The following GCC2 variants were observed in gnomAD, a reference collection of about 807,000 sequenced individuals.
GCC2 encodes GRIP and coiled-coil domain containing 2, also known as GRIP and coiled-coil domain-containing protein 2.
GCC2 carries 120 observed loss-of-function variants against 210.6 expected under a neutral mutation model. The observed-to-expected ratio is 0.57, with a 90% CI of 0.49 to 0.66. The LOEUF (loss-of-function observed/expected upper bound fraction) is 0.66. GCC2 is among the 30% of genes least tolerant of loss of function. The probability of loss-of-function intolerance (pLI) is 0.00; values close to 1 mark genes in which losing one functional copy is unlikely to be tolerated. For synonymous variants in GCC2, 703 were observed against 652.7 expected (o/e 1.08, Z -1.17); for missense variants, 1,868 against 1,871.9 (o/e 1.00, Z 0.04).
chr2:108,492,516 G>T (rs866384747), intron 18 of GCC2, 57 bp from the exon 19 acceptor site: 16 of 1,142,090 alleles, frequency 1.4e-5, no homozygotes, highest in Middle Eastern at 2.0e-4. Context: ...GTTGAGAAAG[G>T]CTAAGTCAGC....
chr2:108,484,460 G>A (rs1354349642), intron 13 of GCC2, 149 bp downstream of exon 13: 3 of 492,768 alleles, frequency 6.1e-6, no homozygotes, highest in Non-Finnish European at 3.7e-6. Flanking sequence ...CCCAGAATGG[G>A]TGTAAAACTG....
rs749469344 is a variant in GCC2 at position 108,471,244 on chromosome 2, A to G, written c.1915A>G (p.Ser639Gly). 5 of 1,609,232 alleles carry G rather than the reference A, an allele frequency of 3.1e-6. No individual in the cohort carries two copies. The South Asian group carries it at 4.5e-5, about 14-fold the overall frequency. The change falls in exon 6 of 23, where the codon AGT (serine) becomes GGT (glycine). Residue 639 changes from serine to glycine, a missense_variant. This residue lies in a region of GCC2 where 1,847 missense variants were observed against 1,765.2 expected (regional missense o/e 1.05). Transcript: ENST00000309863. ...KKVEQTIQYN[S>G]ELEQKVNELT... is the part of the protein sequence containing the mutation. ...AGTAGAGCAAACAATCCAGTACAACAGTGAACTAGAACAAAAGGTAAATGA... is the reference window on the plus strand; with the variant it reads ...AGTAGAGCAAACAATCCAGTACAACGGTGAACTAGAACAAAAGGTAAATGA...
At chr2:108,455,582 T>C (rs945906181) in intron 4 of GCC2, among the ~76,000 whole-genome samples, 1 of 126,216 alleles carries the variant, frequency 7.9e-6, no homozygotes, top group Non-Finnish European at 1.8e-5. Flanking sequence ...GAATATATAA[T>C]CATTAAATCA....
rs1313525353 is a variant in GCC2 at position 108,461,830 on chromosome 2, C to CTTTTTTTT, written c.217-7145_217-7144insTTTTTTTT. On this transcript the variant is annotated intron_variant, in intron 4 of 22. Transcript: ENST00000309863. ...CTAAATAGGTTTTCTTTTTTTTTTTCTTTTTCTTTTTTTTTTTTTTTGAGA... is the reference window on the plus strand; with the variant it reads ...CTAAATAGGTTTTCTTTTTTTTTTTCTTTTTTTTTTTTTCTTTTTTTTTTTTTTTGAGA... Among the ~76,000 whole-genome samples, 32 of 124,122 alleles carry CTTTTTTTT rather than the reference C, an allele frequency of 2.6e-4. 4 individuals carry two copies. Among genetic ancestry groups the CTTTTTTTT allele is most frequent in the Admixed American group, 4.1e-4 (5 of 12,236 alleles). The allele number at this position is 124,122 out of a possible 152,430, so 81.4% of individuals were successfully genotyped here.
chr2:108,502,246 A>ATAT (rs1284641652), intron 22 of GCC2, among the ~76,000 whole-genome samples: 10 of 152,200 alleles, frequency 6.6e-5, no homozygotes, highest in Non-Finnish European at 7.3e-5. Context: ...TACAACAATG[A>ATAT]TATTATCTCA....
intron 19 of GCC2, chr2:108,494,012 A>T (rs1237689234): frequency 2.7e-6 from 2 of 752,584 alleles, no homozygotes; most frequent in Admixed American, 1.3e-4. Context: ...GGGCAAAGTC[A>T]TTAAATTTCT....
At chr2:108,490,357 CAA>C (rs1682349188) in intron 18 of GCC2, among the ~76,000 whole-genome samples, 1 of 152,076 alleles carries the variant, frequency 6.6e-6, no homozygotes, top group Non-Finnish European at 1.5e-5. Flanking sequence ...AGAAAACACC[CAA>C]ATAGTTGCTA....
chr2:108,475,725 C>T, intron 8 of GCC2, 27 bp from the exon 9 acceptor site: 1 of 1,530,278 alleles, frequency 6.5e-7, no homozygotes, highest in South Asian at 1.2e-5. Flanking sequence ...ACAAAAACCT[C>T]TTTAATTTTA....
At position 108,490,154 on chromosome 2, in the gene GCC2, T is replaced by TAA. The variant is rs201597930; in HGVS notation, c.4229+141_4229+142insAA. 4.5e-3 allele frequency: 2,611 copies of TAA among 581,440 alleles called. 10 individuals are homozygous for TAA. The highest frequency in any genetic ancestry group is 8.3e-3 in the Admixed American group (207 of 24,836). 36.0% of individuals were successfully genotyped at this position (581,440 alleles called of 1,614,324 possible). ...TTCTAAAGGCTTGGAAACTTTGCTT[T>TAA]ATCTACCTTAGAGCTTCGCCTTTTA... On this transcript the variant is annotated intron_variant, in intron 18 of 22. Coordinates refer to ENST00000309863, the MANE Select transcript of GCC2 (RefSeq NM_181453.4).
chr2:108,499,242 G>A (rs1289224774), intron 21 of GCC2, among the ~76,000 whole-genome samples: 1 of 151,962 alleles, frequency 6.6e-6, no homozygotes, highest in Non-Finnish European at 1.5e-5. Context: ...AATAGCTTAG[G>A]ACAGTGGAGT....
At chr2:108,466,017 G>A (rs1483490833) in intron 4 of GCC2, among the ~76,000 whole-genome samples, 1 of 152,078 alleles carries the variant, frequency 6.6e-6, no homozygotes, top group Non-Finnish European at 1.5e-5. Context: ...GTGGCTTTAA[G>A]TTGCATTTCC....
intron 22 of GCC2, 90 bp from the exon 23 acceptor site, chr2:108,507,470 T>C (rs1683253437): frequency 1.0e-6 from 1 of 1,000,572 alleles, no homozygotes; most frequent in Admixed American, 2.7e-5. Context: ...TATTGTAGAG[T>C]GATTCTAAAA....
intron 9 of GCC2, among the ~76,000 whole-genome samples, chr2:108,477,533 T>G (rs911033751): frequency 6.6e-6 from 1 of 152,166 alleles, no homozygotes; most frequent in East Asian, 1.9e-4. Flanking sequence ...AGATCTATTG[T>G]TTCACCAACT....
rs1301687940 is a variant in GCC2 at position 108,501,278 on chromosome 2, C to A, written c.4984+1524C>A. Among the ~76,000 whole-genome samples, 5 of 152,122 alleles carry A rather than the reference C, an allele frequency of 3.3e-5. No individual in the cohort carries two copies. The East Asian group carries it at 9.7e-4, about 29-fold the overall frequency. On this transcript the variant is annotated intron_variant, in intron 22 of 22. Transcript: ENST00000309863. ...GGGATTACAGGTGTGAGCCACCACGCCCAGCCATTTTGTTGTTTTTTTATC... is the reference window on the plus strand; with the variant it reads ...GGGATTACAGGTGTGAGCCACCACGACCAGCCATTTTGTTGTTTTTTTATC...
At chr2:108,490,745 T>C (rs1278985804) in intron 18 of GCC2, among the ~76,000 whole-genome samples, 2 of 152,238 alleles carry the variant, frequency 1.3e-5, no homozygotes, top group East Asian at 1.9e-4. Context: ...GTACCAGTTT[T>C]CTAACTGCCT....
intron 22 of GCC2, among the ~76,000 whole-genome samples, chr2:108,505,772 TCTC>T: frequency 6.6e-6 from 1 of 152,112 alleles, no homozygotes; most frequent in African/African-American, 2.4e-5. Flanking sequence ...CCATTTCTGA[TCTC>T]CTGACCCACA....
In GCC2 at chr2:108,469,927, T is replaced by C. The variant is rs1337362392; in HGVS notation, c.598T>C (p.Tyr200His). ...GCCAGGCTTTGAGGAGCAAATTTTA[T>C]ATCTGCAAAAGCAATTAGACGCTAC... ...IRPGFEEQIL[Y>H]LQKQLDATTD... The change falls in exon 6 of 23, where the codon TAT becomes CAT. Residue 200 changes from tyrosine (Y) to histidine (H), a missense_variant. Physicochemically the swap from Tyr to His is moderately conservative, Grantham distance 83 (BLOSUM62 2). Coordinates refer to ENST00000309863, the MANE Select transcript of GCC2 (RefSeq NM_181453.4). 1.2e-6 allele frequency: 2 copies of C among 1,613,720 alleles called. No homozygotes were observed. The highest frequency in any genetic ancestry group is 1.7e-6 in the Non-Finnish European group (2 of 1,179,824).
At chr2:108,489,379 G>A (rs987617297) in intron 17 of GCC2, among the ~76,000 whole-genome samples, 1 of 152,138 alleles carries the variant, frequency 6.6e-6, no homozygotes, top group East Asian at 1.9e-4. Context: ...GCTGAGCGTG[G>A]TGGTGGGTGC....
At chr2:108,497,956 G>T (rs928813971) in intron 21 of GCC2, among the ~76,000 whole-genome samples, 6 of 152,044 alleles carry the variant, frequency 3.9e-5, no homozygotes, top group African/African-American at 7.2e-5. Context: ...GCTCCTAATA[G>T]ATCTGTCCTG....
Sources: gnomAD v4.1 joint callset for allele counts (sites outside exome capture counted in the v4.1 genomes callset) on GRCh38, gnomAD v4.1.1 for gene constraint, gnomAD v4.1.1 regional missense constraint, MANE v1.5 for transcripts, NCBI Gene and HGNC (gene_info 2026-07-23, HGNC 2026-07-21) for gene names.